ARHGAP20: variants seen among roughly 807,000 people sequenced by gnomAD.
ARHGAP20 encodes the protein rho GTPase-activating protein 20.
ARHGAP20 carries 34 observed loss-of-function variants against 73.7 expected under a neutral mutation model. The observed-to-expected ratio is 0.46, with a 90% CI of 0.35 to 0.61. ARHGAP20 has a LOEUF of 0.61. Among genes scored for constraint, ARHGAP20 ranks in the 20% least tolerant of loss-of-function variants. ARHGAP20 has a pLI of 0.00. For missense variants in ARHGAP20, 1,314 were observed against 1,420.9 expected (o/e 0.92, Z 1.21); for synonymous variants, 523 against 518.2 (o/e 1.01, Z -0.13).
chr11:110,694,024 T>C (rs1006089829), intron 1 of ARHGAP20, among the ~76,000 whole-genome samples: 1 of 151,924 alleles, frequency 6.6e-6, no homozygotes, highest in Non-Finnish European at 1.5e-5. Flanking sequence ...AAAGAAACGA[T>C]AAACTATACA....
At chr11:110,685,708 T>G (rs1357129138) in intron 2 of ARHGAP20, among the ~76,000 whole-genome samples, 3 of 152,212 alleles carry the variant, frequency 2.0e-5, no homozygotes, top group Non-Finnish European at 2.9e-5. Context: ...ACAAGCTTTG[T>G]CATCTACAAG....
At chr11:110,711,820 T>TAGAC (rs1311306585) in intron 1 of ARHGAP20, 8 of 1,321,204 alleles carry the variant, frequency 6.1e-6, no homozygotes, top group Non-Finnish European at 6.7e-6. Context: ...CCCGCGCGCC[T>TAGAC]AGACTGAGGG....
At chr11:110,712,928 T>A (rs568154457), upstream of ARHGAP20, 1 of 152,506 alleles carries the variant, frequency 6.6e-6, no homozygotes, top group African/African-American at 2.4e-5. Context: ...GGGTGGCACG[T>A]CGCAGAGTGT....
chr11:110,684,085 T>G (rs1363788471), intron 2 of ARHGAP20, among the ~76,000 whole-genome samples: 4 of 152,146 alleles, frequency 2.6e-5, no homozygotes, highest in African/African-American at 9.7e-5. Flanking sequence ...CCTTCAGAAC[T>G]ATGAACAATA....
In ARHGAP20 at chr11:110,659,755, G is replaced by T. The variant is rs1033728326; in HGVS notation, c.189-28963C>A. ...AATGATGAGTTCATGTCCTTTGTAG[G>T]GACATGGATGAAATTGGAAATCATC... On this transcript the variant is annotated intron_variant, in intron 2 of 14. Coordinates refer to ENST00000683387, the MANE Select transcript of ARHGAP20 (RefSeq NM_001384657.1). 3.2e-4 allele frequency among the ~76,000 whole-genome samples: 48 copies of T among 151,952 alleles called. No individual in the cohort carries two copies. In the East Asian group the frequency reaches 6.8e-3, roughly 21 times the overall value.
chr11:110,630,960 A>G (rs923886382), intron 2 of ARHGAP20, among the ~76,000 whole-genome samples, 168 bp from the exon 3 acceptor site: 4 of 152,240 alleles, frequency 2.6e-5, no homozygotes, highest in African/African-American at 9.6e-5. Context: ...ATTTTGAAAC[A>G]AAGAAAAGTT....
Position 110,580,957 on chromosome 11 carries a change from T to C in ARHGAP20, c.1989A>G (p.Leu663=), listed in dbSNP as rs1370899911. 6.2e-7 allele frequency: 1 copy of C among 1,614,208 alleles called. No individual in the cohort carries two copies. The highest frequency in any genetic ancestry group is 1.3e-5 in the African/African-American group (1 of 75,060). Residue 663 remains leucine, a synonymous_variant, in exon 15 of 15, where the codon TTA becomes TTG. Coordinates refer to ENST00000683387, the MANE Select transcript of ARHGAP20 (RefSeq NM_001384657.1). ...CCCGCAGTGGGATCTTTGTGTACACTAAAATGTTCACCGGCTTGGATTCAA... is the reference window on the plus strand; with the variant it reads ...CCCGCAGTGGGATCTTTGTGTACACCAAAATGTTCACCGGCTTGGATTCAA... ...RPLESKPVNI[L]VYTKIPLRDH...
At chr11:110,630,317 C>T (rs1948832656) in intron 3 of ARHGAP20, among the ~76,000 whole-genome samples, 1 of 152,192 alleles carries the variant, frequency 6.6e-6, no homozygotes, top group Admixed American at 6.6e-5. Context: ...TTCTCCCTCA[C>T]CCCATGCATA....
In ARHGAP20 at chr11:110,581,148, A is replaced by G. The variant is rs1565418731; in HGVS notation, c.1798T>C (p.Cys600Arg). ...CCAAGTTTCTTTACCAAGTCACTGCATGGTGCATCAACATCCTCATTTAGC... is the reference window on the plus strand; with the variant it reads ...CCAAGTTTCTTTACCAAGTCACTGCGTGGTGCATCAACATCCTCATTTAGC... ...NELNEDVDAP[C>R]SDLVKKLGQG... is the part of the protein sequence containing the mutation. Residue 600 changes from cysteine (C) to arginine (R), a missense_variant, in exon 15 of 15, where the codon TGC (cysteine) becomes CGC (arginine). Cys to Arg is a radical substitution (Grantham distance 180). Around this residue, in one of 3 missense-constraint regions of ARHGAP20, gnomAD observed 230 missense variants for 317.6 expected, o/e 0.72. Transcript: ENST00000683387. 1 of 1,614,114 alleles carries G rather than the reference A, an allele frequency of 6.2e-7. No individual in the cohort carries two copies. Among genetic ancestry groups the G allele is most frequent in the Non-Finnish European group, 8.5e-7 (1 of 1,180,044 alleles).
chr11:110,614,764 A>G, intron 5 of ARHGAP20, 119 bp from the exon 6 acceptor site: 1 of 669,044 alleles, frequency 1.5e-6, no homozygotes, highest in African/African-American at 1.9e-5. Context: ...GCTATTTTTA[A>G]AAAAGATAGA....
chr11:110,697,834 T>C (rs1950366106), intron 1 of ARHGAP20, among the ~76,000 whole-genome samples: 1 of 151,928 alleles, frequency 6.6e-6, no homozygotes, highest in Non-Finnish European at 1.5e-5. Flanking sequence ...AGCCTTGTAG[T>C]ATAATTTGAA....
At chr11:110,709,149 T>C (rs544589763) in intron 1 of ARHGAP20, among the ~76,000 whole-genome samples, 8 of 152,334 alleles carry the variant, frequency 5.3e-5, no homozygotes, top group African/African-American at 1.4e-4. Flanking sequence ...TCATTGTCTA[T>C]GGCTGCTTTA....
intron 4 of ARHGAP20, among the ~76,000 whole-genome samples, chr11:110,618,680 A>T (rs1330392755): frequency 5.3e-5 from 8 of 151,886 alleles, no homozygotes; most frequent in Non-Finnish European, 1.5e-5. Flanking sequence ...GATAGAGTAT[A>T]TGCAGTGATA....
chr11:110,639,484 C>T (rs227449), intron 2 of ARHGAP20, among the ~76,000 whole-genome samples: 79,982 of 151,504 alleles, frequency 0.53, 23,829 homozygotes, highest in African/African-American at 0.83. Flanking sequence ...ATTTAGTACA[C>T]TGACAGTGTT....
Position 110,614,660 on chromosome 11 carries a change from C to A in ARHGAP20, c.546-15G>T, listed in dbSNP as rs190111519. ...GATTGATGTATCTAATCAAATGCAA[C>A]AGCAACCCAAAACAACACTGAGTCA... is the stretch of plus-strand genomic sequence containing the variant. On this transcript the variant is annotated splice_polypyrimidine_tract_variant and intron_variant, in intron 5 of 14. Coordinates refer to ENST00000683387, the MANE Select transcript of ARHGAP20 (RefSeq NM_001384657.1). 2.6e-5 allele frequency: 40 copies of A among 1,557,752 alleles called. No homozygotes were observed. Among genetic ancestry groups the A allele is most frequent in the Non-Finnish European group, 3.4e-5 (39 of 1,143,688 alleles).
intron 2 of ARHGAP20, among the ~76,000 whole-genome samples, chr11:110,653,820 G>A (rs1565460536): frequency 1.3e-5 from 2 of 152,090 alleles, no homozygotes; most frequent in Non-Finnish European, 2.9e-5. Flanking sequence ...CAACTCAAAT[G>A]CCTATCCATG....
chr11:110,704,060 G>C (rs1407999280), intron 1 of ARHGAP20, among the ~76,000 whole-genome samples: 5 of 152,118 alleles, frequency 3.3e-5, no homozygotes, highest in Non-Finnish European at 2.9e-5. Flanking sequence ...ACACAGAGGG[G>C]AAAAGTACTG....
rs1297766071 is a variant in ARHGAP20, at chr11:110,581,145, T to G, written c.1801A>C (p.Ser601Arg). 6.2e-7 allele frequency: 1 copy of G among 1,614,088 alleles called. No homozygotes were observed. Among genetic ancestry groups the G allele is most frequent in the East Asian group, 2.2e-5 (1 of 44,902 alleles). The change falls in exon 15 of 15, where the codon AGT becomes CGT. Residue 601 changes from serine (S) to arginine (R), a missense_variant. By Grantham distance (110) the Ser-to-Arg change is moderately radical. This residue lies in a region of ARHGAP20 where 230 missense variants were observed against 317.6 expected (regional missense o/e 0.72). Coordinates refer to ENST00000683387, the MANE Select transcript of ARHGAP20 (RefSeq NM_001384657.1). Reference sequence around the variant, plus strand: ...TGGCCAAGTTTCTTTACCAAGTCACTGCATGGTGCATCAACATCCTCATTT... The same window carrying G: ...TGGCCAAGTTTCTTTACCAAGTCACGGCATGGTGCATCAACATCCTCATTT... ...ELNEDVDAPC[S>R]DLVKKLGQGS...
chr11:110,609,163 ATAGT>A (rs1948308153), intron 7 of ARHGAP20, 113 bp from the exon 8 acceptor site: 4 of 833,546 alleles, frequency 4.8e-6, no homozygotes, highest in Middle Eastern at 2.3e-4. Context: ...CTACCCAGTG[ATAGT>A]TAGAGATCCA....
Sources: gnomAD v4.1 joint callset for allele counts (sites outside exome capture counted in the v4.1 genomes callset) on GRCh38, gnomAD v4.1.1 for gene constraint, gnomAD v4.1.1 regional missense constraint, MANE v1.5 for transcripts, NCBI Gene and HGNC (gene_info 2026-07-23, HGNC 2026-07-21) for gene names.